The following ECHDC2 variants were observed in gnomAD, a reference collection of about 807,000 sequenced individuals.
ECHDC2 encodes the protein enoyl-CoA hydratase domain containing 2, also known as enoyl-CoA hydratase domain-containing protein 2, mitochondrial.
In ECHDC2, 34 loss-of-function variants were observed where a neutral mutation model predicts 40.6. That is an observed-to-expected ratio of 0.84 (90% CI 0.64 to 1.11). The LOEUF (loss-of-function observed/expected upper bound fraction) is 1.11. ECHDC2 is among the 50% of genes most tolerant of loss of function. ECHDC2 has a pLI of 0.00. For missense variants in ECHDC2, 392 were observed against 400.7 expected (o/e 0.98, Z 0.19); for synonymous variants, 162 against 166.6 (o/e 0.97, Z 0.21).
chr1:52,910,927 T>G (rs1451068377), intron 3 of ECHDC2, among the ~76,000 whole-genome samples: 1 of 152,100 alleles, frequency 6.6e-6, no homozygotes, highest in Non-Finnish European at 1.5e-5. Context: ...CTACAGGAAG[T>G]CAGAGCTGGG....
intron 5 of ECHDC2, 64 bp from the exon 6 acceptor site, chr1:52,905,154 G>A: frequency 6.4e-7 from 1 of 1,568,274 alleles, no homozygotes; most frequent in Non-Finnish European, 8.7e-7. Context: ...TAATCCCGGG[G>A]GCCACAGCTG....
In ECHDC2 at chr1:52,914,689, CT is replaced by C. The variant is rs1199210179; in HGVS notation, c.122-2900del. Among the ~76,000 whole-genome samples, 1 of 152,170 alleles carries C rather than the reference CT, an allele frequency of 6.6e-6. No homozygotes were observed. The highest frequency in any genetic ancestry group is 1.9e-4 in the East Asian group (1 of 5,188). ...CCTGCTCCATTGATGAGCCAATGACCTTGCTATCAACTCAGAAGTTGATCCT... is the reference window on the plus strand; with the variant it reads ...CCTGCTCCATTGATGAGCCAATGACCTGCTATCAACTCAGAAGTTGATCCT... On this transcript the variant is annotated intron_variant, in intron 1 of 9. Transcript: ENST00000371522. This position sits in a 1 kb window ranked among gnomAD's most constrained non-coding sequence, Gnocchi z 4.0.
intron 1 of ECHDC2, among the ~76,000 whole-genome samples, chr1:52,915,710 T>A (rs1449019223): frequency 6.6e-6 from 1 of 152,190 alleles, no homozygotes; most frequent in African/African-American, 2.4e-5. Flanking sequence ...CATGTTTACA[T>A]CCTGAATAAT....
At chr1:52,907,988 G>A (rs368400112) in intron 3 of ECHDC2, 34 bp from the exon 4 acceptor site, 4 of 1,599,996 alleles carry the variant, frequency 2.5e-6, no homozygotes, top group Admixed American at 3.3e-5. Context: ...CAGCCCTTAG[G>A]AAAATGGCAC....
intron 5 of ECHDC2, 164 bp from the exon 6 acceptor site, chr1:52,905,254 G>T: frequency 1.4e-6 from 1 of 691,010 alleles, no homozygotes; most frequent in Non-Finnish European, 2.5e-6. Flanking sequence ...AAGAGCCCTA[G>T]CCCAGAAGTC....
chr1:52,896,425 G>A lies in ECHDC2; in HGVS notation c.*95C>T. On this transcript the variant is annotated 3_prime_UTR_variant, in exon 10 of 10. Coordinates refer to ENST00000371522, the MANE Select transcript of ECHDC2 (RefSeq NM_001198961.2). ...CCTTGTGAAGAAATGGAAGTCTGGA[G>A]AGGTGAAATGATGAAGGCAATCTGG... 1 of 940,350 alleles carries A rather than the reference G, an allele frequency of 1.1e-6. No individual in the cohort carries two copies. Among genetic ancestry groups the A allele is most frequent in the Non-Finnish European group, 1.8e-6 (1 of 567,554 alleles). 58.3% of individuals were successfully genotyped at this position (940,350 alleles called of 1,614,324 possible). A position where few individuals can be genotyped will look rare whatever the true frequency, so the allele number is the denominator to read the frequency against.
At chr1:52,908,074 A>C in intron 3 of ECHDC2, 120 bp from the exon 4 acceptor site, 3 of 802,044 alleles carry the variant, frequency 3.7e-6, no homozygotes, top group Middle Eastern at 4.6e-4. Context: ...AAGGAGAAAC[A>C]CCAGGAACCC....
At chr1:52,906,752 GTTATC>G (rs1425587083) in intron 4 of ECHDC2, 141 bp from the exon 5 acceptor site, 1 of 542,976 alleles carries the variant, frequency 1.8e-6, no homozygotes. Flanking sequence ...CCTCAGCCAG[GTTATC>G]TTAATTCTTT....
intron 6 of ECHDC2, 99 bp from the exon 7 acceptor site, chr1:52,904,932 G>A: frequency 2.5e-6 from 4 of 1,597,358 alleles, no homozygotes; most frequent in South Asian, 1.1e-5. Context: ...AGAGGAGCAG[G>A]GTTCAGGTGG....
At chr1:52,909,401 C>T (rs184960816) in intron 3 of ECHDC2, among the ~76,000 whole-genome samples, 1 of 152,128 alleles carries the variant, frequency 6.6e-6, no homozygotes, top group Admixed American at 6.5e-5. Flanking sequence ...GACCTATGCT[C>T]ATATATCCTC....
chr1:52,904,596 G>T, intron 7 of ECHDC2, 50 bp downstream of exon 7: 1 of 1,481,506 alleles, frequency 6.7e-7, no homozygotes, highest in Non-Finnish European at 9.0e-7. Context: ...CCCCACACAT[G>T]CCTCCCCCAT....
intron 3 of ECHDC2, among the ~76,000 whole-genome samples, chr1:52,910,403 C>T (rs1227583725): frequency 9.9e-6 from 1 of 101,256 alleles, no homozygotes; most frequent in Non-Finnish European, 1.8e-5. Flanking sequence ...GAGTTGTGCT[C>T]TGTCACCCAG....
At chr1:52,908,929 CAAAAA>C (rs34090739) in intron 3 of ECHDC2, among the ~76,000 whole-genome samples, 2,087 of 43,960 alleles carry the variant, frequency 0.047, 73 homozygotes, top group African/African-American at 0.12. Context: ...GACAGAGTCT[CAAAAA>C]AAAAAAAAAA....
rs548891828 is a variant in ECHDC2, at chr1:52,913,717, C to G, written c.122-1927G>C. 6.1e-5 allele frequency: 10 copies of G among 164,830 alleles called. No individual in the cohort carries two copies. In the South Asian group the frequency reaches 1.7e-3, roughly 28 times the overall value. The allele number at this position is 164,830 out of a possible 1,614,324, so 10.2% of individuals were successfully genotyped here. On this transcript the variant is annotated intron_variant, in intron 1 of 9. Coordinates refer to ENST00000371522, the MANE Select transcript of ECHDC2 (RefSeq NM_001198961.2). ...CACAGCCCCTTCCGCAATCCCCATC[C>G]CCCACCAGAGGCACGTGTTGCAACT...
intron 8 of ECHDC2, 160 bp from the exon 9 acceptor site, chr1:52,897,644 A>G: frequency 4.2e-6 from 3 of 717,384 alleles, no homozygotes; most frequent in Non-Finnish European, 7.4e-6. Context: ...TAACTATGAC[A>G]AAACTGCTGG....
Position 52,916,616 on chromosome 1 carries a change from C to A in ECHDC2, c.122-4826G>T, listed in dbSNP as rs184959041. Among the ~76,000 whole-genome samples, 101 of 152,350 alleles carry A rather than the reference C, an allele frequency of 6.6e-4. No individual in the cohort carries two copies. The East Asian group carries it at 0.018, about 27-fold the overall frequency. On this transcript the variant is annotated intron_variant, in intron 1 of 9. Transcript: ENST00000371522. ...TCTCGGACCTAATACAGTATCTGAA[C>A]TTTAAGCTGGGAGCCCCCCAGGAGC...
chr1:52,903,326 G>A (rs549874913), intron 7 of ECHDC2, among the ~76,000 whole-genome samples: 1 of 152,142 alleles, frequency 6.6e-6, no homozygotes, highest in African/African-American at 2.4e-5. Flanking sequence ...GTTCTTTAGT[G>A]GTGATTTCTA....
In ECHDC2 at chr1:52,906,549, GCT is replaced by G; in HGVS notation, c.425_426del (p.Glu142AlafsTer6). ...ACTCGGAGGTCACAGGCCAGGGCAA[GCT>G]CTAGGCCTCCGCCCAAGGCAAACCC... is the stretch of plus-strand genomic sequence containing the variant. The part of the protein sequence containing the change: ...MDGFALGGGL[E>X]LALACDLRVA... On this transcript the variant is annotated frameshift_variant, in exon 5 of 10. Coordinates refer to ENST00000371522, the MANE Select transcript of ECHDC2 (RefSeq NM_001198961.2). LOFTEE classifies it high-confidence loss of function. The G allele has an allele frequency of 6.2e-7, 1 of 1,612,568 alleles. No individual in the cohort carries two copies. The highest frequency in any genetic ancestry group is 8.5e-7 in the Non-Finnish European group (1 of 1,179,778).
At chr1:52,911,150 T>C (rs1571972509) in intron 3 of ECHDC2, among the ~76,000 whole-genome samples, 1 of 152,204 alleles carries the variant, frequency 6.6e-6, no homozygotes, top group East Asian at 1.9e-4. Context: ...CTAATTTTTG[T>C]ATTTTTTAGT....
Sources: gnomAD v4.1 joint callset for allele counts (sites outside exome capture counted in the v4.1 genomes callset) on GRCh38, gnomAD v4.1.1 for gene constraint, Gnocchi (gnomAD v3.1) non-coding constraint, MANE v1.5 for transcripts, NCBI Gene and HGNC (gene_info 2026-07-23, HGNC 2026-07-21) for gene names.